The following CSMD1 variants were observed in gnomAD, a reference collection of about 807,000 sequenced individuals.
CSMD1 encodes the protein CUB and sushi domain-containing protein 1.
Under a neutral mutation model 417.5 loss-of-function variants are expected in CSMD1, and 213 were observed. That is an observed-to-expected ratio of 0.51 (90% CI 0.46 to 0.57). CSMD1 has a LOEUF of 0.57. CSMD1 is among the 20% of genes least tolerant of loss of function. The pLI, the probability that CSMD1 is intolerant of heterozygous loss-of-function variation, is 0.00. For missense variants in CSMD1, 6,923 were observed against 4,529.7 expected, an observed-to-expected ratio of 1.53 and a Z score of -15.17; for synonymous variants, 2,862 against 1,736.8, an observed-to-expected ratio of 1.65 and a Z score of -16.11.
intron 41 of CSMD1, 129 bp from the exon 42 acceptor site, chr8:3,118,716 T>C: frequency 2.7e-6 from 2 of 735,334 alleles, no homozygotes; most frequent in Non-Finnish European, 4.4e-6. Context: ...AGGTATATTT[T>C]CTAAGTAGTC....
intron 37 of CSMD1, among the ~76,000 whole-genome samples, chr8:3,173,891 G>T (rs1473910924): frequency 6.6e-6 from 1 of 152,172 alleles, no homozygotes; most frequent in African/African-American, 2.4e-5. Context: ...GCTAATCCAA[G>T]TTATCTGTAT....
At chr8:3,634,327 A>G (rs977123105) in intron 7 of CSMD1, among the ~76,000 whole-genome samples, 1 of 152,212 alleles carries the variant, frequency 6.6e-6, no homozygotes, top group East Asian at 1.9e-4. Flanking sequence ...GTGGGTGGAC[A>G]GCATGCCTGT....
chr8:4,864,596 A>G (rs1430072139), intron 1 of CSMD1, among the ~76,000 whole-genome samples: 1 of 151,674 alleles, frequency 6.6e-6, no homozygotes, highest in Non-Finnish European at 1.5e-5. Flanking sequence ...ATTTTATATC[A>G]TTATTATAGT....
At chr8:4,221,562 G>C (rs1480916764) in intron 3 of CSMD1, among the ~76,000 whole-genome samples, 2 of 152,172 alleles carry the variant, frequency 1.3e-5, no homozygotes, top group Non-Finnish European at 2.9e-5. Context: ...GGAGGCCTCA[G>C]ATGTGTGTCA....
At chr8:3,122,766 T>C (rs1817281379) in intron 41 of CSMD1, among the ~76,000 whole-genome samples, 2 of 152,208 alleles carry the variant, frequency 1.3e-5, no homozygotes, top group African/African-American at 4.8e-5. Flanking sequence ...CCCAGCCATG[T>C]GGAACTGTAA....
chr8:4,911,015 C>T (rs530730437), intron 1 of CSMD1, among the ~76,000 whole-genome samples: 58 of 152,316 alleles, frequency 3.8e-4, no homozygotes, highest in Admixed American at 1.2e-3. Context: ...CAAAAACTCT[C>T]TCTTTGCCTG....
intron 1 of CSMD1, among the ~76,000 whole-genome samples, chr8:4,881,162 T>G (rs1402354799): frequency 6.6e-6 from 1 of 152,088 alleles, no homozygotes; most frequent in Non-Finnish European, 1.5e-5. Flanking sequence ...CACTTTGAGT[T>G]TCTAGATTTA....
Position 4,841,914 on chromosome 8 carries a change from A to ACAAAACAAAAC in CSMD1, c.85+152417_85+152418insGTTTTGTTTTG, listed in dbSNP as rs779346831. The stretch of plus-strand genomic sequence containing the variant: ...CAACAAGAGCAAAACTCCGTCTCAA[A>ACAAAACAAAAC]AAAAAAAAAAAAAAAAAAAAAAAAG... On this transcript the variant is annotated intron_variant, in intron 1 of 69. Coordinates refer to ENST00000635120, the MANE Select transcript of CSMD1 (RefSeq NM_033225.6). Among the ~76,000 whole-genome samples the ACAAAACAAAAC allele has an allele frequency of 1.4e-3, 188 of 136,618 alleles. 1 individual carries two copies. The East Asian group carries it at 0.017, about 12-fold the overall frequency. 89.6% of individuals were successfully genotyped at this position (136,618 alleles called of 152,430 possible).
intron 3 of CSMD1, among the ~76,000 whole-genome samples, chr8:4,247,892 A>G (rs1164084559): frequency 6.6e-6 from 1 of 152,180 alleles, no homozygotes; most frequent in African/African-American, 2.4e-5. Flanking sequence ...TTCTTGAGGG[A>G]TAAATTTTCA....
chr8:3,318,769 G>C (rs781558717), intron 23 of CSMD1, among the ~76,000 whole-genome samples: 3 of 152,060 alleles, frequency 2.0e-5, no homozygotes, highest in African/African-American at 7.2e-5. Context: ...TTCTGTGGAA[G>C]CCAGATCCGA....
intron 2 of CSMD1, among the ~76,000 whole-genome samples, chr8:4,497,351 C>A (rs1044193493): frequency 6.6e-6 from 1 of 152,202 alleles, no homozygotes; most frequent in Non-Finnish European, 1.5e-5. Flanking sequence ...TATATAGCCA[C>A]TGGCCTGGCA....
At chr8:3,543,576 G>T (rs947256892) in intron 10 of CSMD1, among the ~76,000 whole-genome samples, 1 of 151,992 alleles carries the variant, frequency 6.6e-6, no homozygotes, top group Non-Finnish European at 1.5e-5. Context: ...GCTGATGAAT[G>T]TGGGGTATGA....
intron 2 of CSMD1, among the ~76,000 whole-genome samples, chr8:4,553,976 T>C (rs540159227): frequency 6.6e-6 from 1 of 152,220 alleles, no homozygotes; most frequent in Non-Finnish European, 1.5e-5. Flanking sequence ...TGATGTCTGC[T>C]GGCATGAGAC....
chr8:4,969,363 A>G (rs975779634), intron 1 of CSMD1, among the ~76,000 whole-genome samples: 4 of 151,868 alleles, frequency 2.6e-5, no homozygotes, highest in African/African-American at 9.7e-5. Flanking sequence ...AAAGCATTGT[A>G]CCCCAGATAA....
intron 1 of CSMD1, among the ~76,000 whole-genome samples, chr8:4,945,985 C>A (rs906237458): frequency 6.0e-4 from 92 of 152,148 alleles, no homozygotes; most frequent in African/African-American, 2.1e-3. Flanking sequence ...CCAGAAGACA[C>A]GGTAGAGACC....
At chr8:3,143,854 C>T (rs1373116732) in intron 40 of CSMD1, among the ~76,000 whole-genome samples, 2 of 152,156 alleles carry the variant, frequency 1.3e-5, no homozygotes, top group Non-Finnish European at 2.9e-5. Context: ...AAAATATTCA[C>T]ACAAACACAT....
At chr8:4,574,241 G>A (rs534633418) in intron 2 of CSMD1, among the ~76,000 whole-genome samples, 1 of 152,308 alleles carries the variant, frequency 6.6e-6, no homozygotes, top group African/African-American at 2.4e-5. Flanking sequence ...GAAACCCAGG[G>A]CCCTGGTGGT....
At chr8:3,939,017 G>C (rs977266372) in intron 5 of CSMD1, among the ~76,000 whole-genome samples, 2 of 152,060 alleles carry the variant, frequency 1.3e-5, no homozygotes, top group African/African-American at 4.8e-5. Flanking sequence ...TACATGTATA[G>C]TGAAATGGAT....
intron 5 of CSMD1, among the ~76,000 whole-genome samples, chr8:3,817,454 T>C (rs71521891): frequency 2.6e-5 from 4 of 151,720 alleles, no homozygotes; most frequent in African/African-American, 9.7e-5. Context: ...CTCATTTTTG[T>C]GTTTTTAGTA....
Sources: allele counts gnomAD v4.1 joint callset (sites outside exome capture counted in the v4.1 genomes callset), GRCh38; gene constraint gnomAD v4.1.1; transcripts MANE v1.5; gene names NCBI Gene and HGNC (gene_info 2026-07-23, HGNC 2026-07-21).